Variants in MPPED1 observed in about 807,000 individuals in gnomAD.
The protein encoded by MPPED1 is metallophosphoesterase domain containing 1.
In MPPED1, 16 loss-of-function variants were observed where a neutral mutation model predicts 36.2. The ratio of observed to expected loss-of-function variants is 0.44; its 90% CI spans 0.30 to 0.67. MPPED1 has a LOEUF of 0.67. Ranked by LOEUF, MPPED1 falls within the 30% of genes least tolerant of loss-of-function variation. The probability of loss-of-function intolerance (pLI) is 0.10; values close to 1 mark genes in which losing one functional copy is unlikely to be tolerated. For synonymous variants in MPPED1, 199 were observed against 191.3 expected (o/e 1.04, Z -0.33); for missense variants, 307 against 453.4 (o/e 0.68, Z 2.93).
At chr22:43,478,615 G>C (rs1931648355) in intron 4 of MPPED1, among the ~76,000 whole-genome samples, 1 of 131,166 alleles carries the variant, frequency 7.6e-6, no homozygotes, top group Admixed American at 7.6e-5. Flanking sequence ...GGAGACTTGA[G>C]AGGGCCTGGG....
rs73428332 is a variant in MPPED1, at chr22:43,461,237, A to G, written c.407-13499A>G. Among the ~76,000 whole-genome samples the G allele has an allele frequency of 8.4e-3, 1,275 of 152,286 alleles. 14 individuals are homozygous for G. Among genetic ancestry groups the G allele is most frequent in the African/African-American group, 0.029 (1,223 of 41,556 alleles). Reference sequence around the variant, plus strand: ...TTCTACAAATGAGGCTTTATATGCCAAATAGTGAAAGGGGCTTTCTTGGGA... The same window carrying G: ...TTCTACAAATGAGGCTTTATATGCCGAATAGTGAAAGGGGCTTTCTTGGGA... On this transcript the variant is annotated intron_variant, in intron 3 of 6. Transcript: ENST00000443721.
intron 2 of MPPED1, among the ~76,000 whole-genome samples, chr22:43,432,073 A>C (rs1299877200): frequency 1.3e-5 from 2 of 152,110 alleles, no homozygotes; most frequent in Non-Finnish European, 2.9e-5. Context: ...GGGCTCCCAG[A>C]GGGTAGACTG....
At position 43,443,254 on chromosome 22, in the gene MPPED1, G is replaced by T. The variant is rs573286405; in HGVS notation, c.406+8039G>T. On this transcript the variant is annotated intron_variant, in intron 3 of 6. Transcript: ENST00000443721. ...GGCCTGATCCTGGTGATCCTGGGCC[G>T]CTGACCAGCTGGGACGAGGGCATGG... Among the ~76,000 whole-genome samples, 15 of 152,320 alleles carry T rather than the reference G, an allele frequency of 9.8e-5. No individual in the cohort carries two copies. The South Asian group carries it at 2.9e-3, about 29-fold the overall frequency.
chr22:43,465,795 C>T (rs1261209510), intron 3 of MPPED1, among the ~76,000 whole-genome samples: 8 of 152,118 alleles, frequency 5.3e-5, no homozygotes, highest in African/African-American at 1.7e-4. Flanking sequence ...ACAGCAGATG[C>T]GGATGCCAGG....
At chr22:43,481,414 C>T (rs556624393) in intron 4 of MPPED1, among the ~76,000 whole-genome samples, 1 of 152,272 alleles carries the variant, frequency 6.6e-6, no homozygotes, top group African/African-American at 2.4e-5. Context: ...TTCTCTTTAT[C>T]CTACTAGGGC....
chr22:43,468,572 C>T (rs751478931), intron 3 of MPPED1, among the ~76,000 whole-genome samples: 11 of 152,196 alleles, frequency 7.2e-5, no homozygotes, highest in South Asian at 2.1e-4. Context: ...TCCACTGTCT[C>T]GCTATGTAAC....
intron 3 of MPPED1, among the ~76,000 whole-genome samples, chr22:43,451,257 G>A (rs1056890082): frequency 5.9e-5 from 9 of 152,158 alleles, no homozygotes; most frequent in Middle Eastern, 3.4e-3. Flanking sequence ...CACCCGCCTC[G>A]GCCTCTCAAA....
intron 2 of MPPED1, among the ~76,000 whole-genome samples, chr22:43,428,538 T>TG (rs1008345023): frequency 7.9e-5 from 12 of 151,968 alleles, no homozygotes; most frequent in Non-Finnish European, 1.8e-4. Context: ...CCAGGAGCGG[T>TG]GGGGGGATGG....
chr22:43,484,411 C>T (rs1461930317), intron 4 of MPPED1, among the ~76,000 whole-genome samples: 3 of 152,220 alleles, frequency 2.0e-5, no homozygotes, highest in South Asian at 2.1e-4. Context: ...TGGGCAGCTC[C>T]TGGCCTTGGC....
rs187903232 is a variant in MPPED1 at position 43,498,356 on chromosome 22, G to T, written c.748+6G>T. 2 of 1,529,880 alleles carry T rather than the reference G, an allele frequency of 1.3e-6. No individual in the cohort carries two copies. The highest frequency in any genetic ancestry group is 1.8e-6 in the Non-Finnish European group (2 of 1,142,230). The allele number at this position is 1,529,880 out of a possible 1,614,324, so 94.8% of individuals were successfully genotyped here. A position where few individuals can be genotyped will look rare whatever the true frequency, so the allele number is the denominator to read the frequency against. On this transcript the variant is annotated splice_donor_region_variant and intron_variant, in intron 5 of 6. Coordinates refer to ENST00000443721, the MANE Select transcript of MPPED1 (RefSeq NM_001044370.2). ...AACCCATGGACCACCACTGGGTAAG[G>T]CTCTGCTGGCCTGGCCCTCCAGCTC...
At chr22:43,431,368 T>C (rs569979883) in intron 2 of MPPED1, among the ~76,000 whole-genome samples, 1 of 152,132 alleles carries the variant, frequency 6.6e-6, no homozygotes, top group African/African-American at 2.4e-5. Context: ...TGACTCTTTT[T>C]GCTCTTTCCT....
At chr22:43,420,880 C>T (rs1289006510) in intron 1 of MPPED1, among the ~76,000 whole-genome samples, 2 of 152,240 alleles carry the variant, frequency 1.3e-5, no homozygotes, top group Non-Finnish European at 2.9e-5. Context: ...TTTTCCATTG[C>T]CCTTTCTGGC....
chr22:43,458,674 C>T (rs1930840278), intron 3 of MPPED1, among the ~76,000 whole-genome samples: 1 of 152,192 alleles, frequency 6.6e-6, no homozygotes, highest in Admixed American at 6.5e-5. Context: ...GGTGCCCTTT[C>T]ATTTCAGTCT....
intron 4 of MPPED1, among the ~76,000 whole-genome samples, chr22:43,479,505 C>G (rs912367654): frequency 6.6e-6 from 1 of 152,204 alleles, no homozygotes; most frequent in African/African-American, 2.4e-5. Context: ...GGAAGACTCC[C>G]CCATAGGCAG....
chr22:43,480,719 G>A (rs375107620), intron 4 of MPPED1, among the ~76,000 whole-genome samples: 17 of 152,154 alleles, frequency 1.1e-4, no homozygotes, highest in African/African-American at 4.1e-4. Flanking sequence ...TTTTGGTGTA[G>A]TCAAATATCT....
Position 43,474,744 on chromosome 22 carries a change from C to T in MPPED1, c.415C>T (p.Pro139Ser), listed in dbSNP as rs756083261. ...TGTGTCCACCCCTGCAGGCAGCCTGCCCTACGAGTACAAGATCGTGATCGC... is the reference window on the plus strand; with the variant it reads ...TGTGTCCACCCCTGCAGGCAGCCTGTCCTACGAGTACAAGATCGTGATCGC... ...KKFNEWLGSL[P>S]YEYKIVIAGN... The change falls in exon 4 of 7, where the codon CCC (proline) becomes TCC (serine). Residue 139 changes from proline (P) to serine (S), a missense_variant. Coordinates refer to ENST00000443721, the MANE Select transcript of MPPED1 (RefSeq NM_001044370.2). This position sits in a 1 kb window ranked among gnomAD's most constrained non-coding sequence, Gnocchi z 5.2. The T allele has an allele frequency of 6.8e-6, 11 of 1,613,952 alleles. No homozygotes were observed. The highest frequency in any genetic ancestry group is 2.2e-5 in the East Asian group (1 of 44,894).
chr22:43,491,498 GATGGAGGTGGTGGTT>G lies in MPPED1; in HGVS notation c.633-6722_633-6708del, dbSNP rs1210891233. On this transcript the variant is annotated intron_variant, in intron 4 of 6. Coordinates refer to ENST00000443721, the MANE Select transcript of MPPED1 (RefSeq NM_001044370.2). ...TGGTGGTGGTGATGGAGGTTGTAAT[GATGGAGGTGGTGGTT>G]ATGGAGGTGGTGGTAGTGATGGTAG... is the stretch of plus-strand genomic sequence containing the variant. 3.0e-4 allele frequency among the ~76,000 whole-genome samples: 45 copies of G among 151,872 alleles called. 3 individuals are homozygous for G. In the South Asian group the frequency reaches 8.8e-3, roughly 30 times the overall value.
intron 4 of MPPED1, among the ~76,000 whole-genome samples, chr22:43,478,579 A>G (rs1190810552): frequency 6.6e-6 from 1 of 151,654 alleles, no homozygotes; most frequent in East Asian, 2.0e-4. Context: ...TGTGGCAGGC[A>G]GAGGGAACAG....
At chr22:43,494,707 G>T (rs1932202630) in intron 4 of MPPED1, among the ~76,000 whole-genome samples, 1 of 151,532 alleles carries the variant, frequency 6.6e-6, no homozygotes, top group Non-Finnish European at 1.5e-5. Context: ...GGTGGTGGTG[G>T]TGGTGGTGGT....
Sources: gnomAD v4.1 joint callset for allele counts (sites outside exome capture counted in the v4.1 genomes callset) on GRCh38, gnomAD v4.1.1 for gene constraint, Gnocchi (gnomAD v3.1) non-coding constraint, MANE v1.5 for transcripts, NCBI Gene and HGNC (gene_info 2026-07-23, HGNC 2026-07-21) for gene names.